The following NCOA7 variants were observed in gnomAD, a reference collection of about 807,000 sequenced individuals.
NCOA7 encodes the protein nuclear receptor coactivator 7, also known as 140 kDa estrogen receptor-associated protein.
NCOA7 carries 45 observed loss-of-function variants against 104.3 expected under a neutral mutation model. The ratio of observed to expected loss-of-function variants is 0.43; its 90% CI spans 0.34 to 0.55. The LOEUF (loss-of-function observed/expected upper bound fraction) is 0.55. NCOA7 is among the 20% of genes least tolerant of loss of function. The pLI is 0.02. For synonymous variants in NCOA7, 398 were observed against 402.3 expected (o/e 0.99, Z 0.13); for missense variants, 1,041 against 1,119.7 (o/e 0.93, Z 1.00).
At chr6:125,871,231 G>A (rs1479130069) in intron 3 of NCOA7, among the ~76,000 whole-genome samples, 1 of 152,212 alleles carries the variant, frequency 6.6e-6, no homozygotes, top group Non-Finnish European at 1.5e-5. Context: ...TTGGAAGACA[G>A]TTGCCCTCTT....
At chr6:125,785,912 A>G (rs1207131138) in intron 1 of NCOA7, among the ~76,000 whole-genome samples, 2 of 152,230 alleles carry the variant, frequency 1.3e-5, no homozygotes, top group African/African-American at 4.8e-5. Context: ...ACACTCTGGT[A>G]GACGCCACAA....
intron 8 of NCOA7, among the ~76,000 whole-genome samples, chr6:125,887,567 G>C (rs796121264): frequency 2.0e-5 from 3 of 152,204 alleles, no homozygotes; most frequent in African/African-American, 7.2e-5. Flanking sequence ...AATTACATAG[G>C]CTTTTATTTT....
intron 3 of NCOA7, among the ~76,000 whole-genome samples, chr6:125,871,164 A>G (rs778675527): frequency 2.0e-5 from 3 of 152,024 alleles, no homozygotes; most frequent in Admixed American, 6.5e-5. Flanking sequence ...GGAGGGTGAG[A>G]ATTTGGGTAG....
intron 13 of NCOA7, 30 bp downstream of exon 13, chr6:125,922,864 TTTTTA>T (rs779124423): frequency 5.6e-6 from 9 of 1,595,384 alleles, no homozygotes; most frequent in Non-Finnish European, 7.7e-6. Context: ...TAAAGAATAT[TTTTTA>T]ATAATTTTTC....
At chr6:125,919,546 C>T in intron 11 of NCOA7, 1 of 1,011,004 alleles carries the variant, frequency 9.9e-7, no homozygotes. Flanking sequence ...GACATTTCTA[C>T]CAGCAGGTGT....
intron 1 of NCOA7, among the ~76,000 whole-genome samples, chr6:125,802,753 C>G (rs1215241194): frequency 6.6e-6 from 1 of 152,182 alleles, no homozygotes; most frequent in Non-Finnish European, 1.5e-5. Context: ...AGTTTTATGA[C>G]AAGCAACTCA....
rs373597022 is a variant in NCOA7, at chr6:125,900,661, G to A, written c.2096+9851G>A. Among the ~76,000 whole-genome samples, 27 of 152,200 alleles carry A rather than the reference G, an allele frequency of 1.8e-4. No individual in the cohort carries two copies. In the South Asian group the frequency reaches 4.6e-3, roughly 26 times the overall value. On this transcript the variant is annotated intron_variant, in intron 10 of 15. Coordinates refer to ENST00000392477, the MANE Select transcript of NCOA7 (RefSeq NM_181782.5). The stretch of plus-strand genomic sequence containing the variant: ...GCCATTTTCTTCTTTTTTGGTATGT[G>A]TGGTAAGAACACTCGTTAGCAAAAA...
chr6:125,883,673 A>T (rs1368997710), intron 7 of NCOA7, among the ~76,000 whole-genome samples: 7 of 146,040 alleles, frequency 4.8e-5, no homozygotes, highest in Non-Finnish European at 1.0e-4. Context: ...TTTGACCAAC[A>T]TCTCCCCCAT....
chr6:125,817,308 G>C (rs1465671878), intron 2 of NCOA7, among the ~76,000 whole-genome samples: 1 of 152,178 alleles, frequency 6.6e-6, no homozygotes, highest in Non-Finnish European at 1.5e-5. Context: ...TGGGTCAAAA[G>C]ATAAGTGTAT....
At chr6:125,915,985 A>C (rs756464641) in intron 11 of NCOA7, among the ~76,000 whole-genome samples, 1 of 152,222 alleles carries the variant, frequency 6.6e-6, no homozygotes, top group Non-Finnish European at 1.5e-5. Flanking sequence ...AGTGCCATAC[A>C]AAAACAGGTG....
upstream of NCOA7, among the ~76,000 whole-genome samples, chr6:125,789,944 T>C (rs1220884788): frequency 6.6e-5 from 10 of 152,258 alleles, no homozygotes; most frequent in Non-Finnish European, 1.3e-4. Context: ...CTAGTCATGT[T>C]GCAGTGCTGG....
At chr6:125,890,156 T>G (rs775882056) in intron 9 of NCOA7, among the ~76,000 whole-genome samples, 175 bp downstream of exon 9, 45 of 152,222 alleles carry the variant, frequency 3.0e-4, no homozygotes, top group Non-Finnish European at 5.7e-4. Flanking sequence ...ATGGTATCTA[T>G]TTTGGAACTT....
intron 2 of NCOA7, among the ~76,000 whole-genome samples, chr6:125,830,871 G>A (rs867076267): frequency 6.6e-6 from 1 of 151,700 alleles, no homozygotes; most frequent in Non-Finnish European, 1.5e-5. Flanking sequence ...AGTGAGGGGG[G>A]AAAAGTGTTT....
chr6:125,781,391 T>G (rs377027685), intron 1 of NCOA7: 1 of 150,388 alleles, frequency 6.6e-6, no homozygotes, highest in Non-Finnish European at 1.5e-5. Flanking sequence ...TGCTTGAATC[T>G]CGTTTCTTTT....
At chr6:125,916,113 A>G (rs1368132731) in intron 11 of NCOA7, among the ~76,000 whole-genome samples, 1 of 152,228 alleles carries the variant, frequency 6.6e-6, no homozygotes, top group African/African-American at 2.4e-5. Context: ...TGATTGGATC[A>G]TGGGGACAGT....
chr6:125,863,441 C>T lies in NCOA7; in HGVS notation c.271+8201C>T, dbSNP rs1782208448. 2.9e-5 allele frequency among the ~76,000 whole-genome samples: 4 copies of T among 137,796 alleles called. 1 individual carries two copies. In the South Asian group the frequency reaches 8.8e-4, roughly 30 times the overall value. The allele number at this position is 137,796 out of a possible 152,430, so 90.4% of individuals were successfully genotyped here. A position where few individuals can be genotyped will look rare whatever the true frequency, so the allele number is the denominator to read the frequency against. ...AGTCTGCATAATGCAAATCTCATACCCTACTTAATCTGTCTTGTTATATTC... is the reference window on the plus strand; with the variant it reads ...AGTCTGCATAATGCAAATCTCATACTCTACTTAATCTGTCTTGTTATATTC... On this transcript the variant is annotated intron_variant, in intron 3 of 15. Coordinates refer to ENST00000392477, the MANE Select transcript of NCOA7 (RefSeq NM_181782.5).
At chr6:125,926,958 A>G (rs1335045836) in intron 13 of NCOA7, among the ~76,000 whole-genome samples, 1 of 152,172 alleles carries the variant, frequency 6.6e-6, no homozygotes, top group Non-Finnish European at 1.5e-5. Context: ...ACTACTCCTC[A>G]TGTAGCTTGG....
At chr6:125,908,847 A>G (rs1241067230) in intron 10 of NCOA7, among the ~76,000 whole-genome samples, 2 of 152,260 alleles carry the variant, frequency 1.3e-5, no homozygotes, top group African/African-American at 4.8e-5. Context: ...TTCTCTCCCT[A>G]AAATCTTAAT....
At chr6:125,910,274 T>C (rs1475066614) in intron 10 of NCOA7, among the ~76,000 whole-genome samples, 1 of 152,230 alleles carries the variant, frequency 6.6e-6, no homozygotes, top group Non-Finnish European at 1.5e-5. Flanking sequence ...TATTAGGGAC[T>C]GCATGCCTTT....
Sources: gnomAD v4.1 joint callset for allele counts (sites outside exome capture counted in the v4.1 genomes callset) on GRCh38, gnomAD v4.1.1 for gene constraint, MANE v1.5 for transcripts, NCBI Gene and HGNC (gene_info 2026-07-23, HGNC 2026-07-21) for gene names.